OCIAD1: variants seen among roughly 807,000 people sequenced by gnomAD.
OCIAD1 encodes OCIA domain-containing protein 1.
Under a neutral mutation model 38.9 loss-of-function variants are expected in OCIAD1, and 29 were observed. The ratio of observed to expected loss-of-function variants is 0.74; its 90% CI spans 0.55 to 1.02. The LOEUF is 1.02. Among genes scored for constraint, OCIAD1 ranks in the 50% least tolerant of loss-of-function variants. OCIAD1 has a pLI of 0.00. For synonymous variants in OCIAD1, 110 were observed against 92.0 expected (o/e 1.20, Z -1.12); for missense variants, 288 against 289.6 (o/e 0.99, Z 0.04).
intron 4 of OCIAD1, among the ~76,000 whole-genome samples, chr4:48,847,115 C>A (rs1032254528): frequency 1.3e-5 from 2 of 152,108 alleles, no homozygotes; most frequent in African/African-American, 4.8e-5. Context: ...ATTTTTATGT[C>A]TTTTATGTTT....
At chr4:48,853,176 G>T (rs1477369384) in intron 7 of OCIAD1, among the ~76,000 whole-genome samples, 1 of 151,984 alleles carries the variant, frequency 6.6e-6, no homozygotes, top group Non-Finnish European at 1.5e-5. Context: ...ACTGCCCCCG[G>T]CCTGTTTTTG....
chr4:48,836,919 A>G (rs1778034547), intron 3 of OCIAD1, among the ~76,000 whole-genome samples: 1 of 152,246 alleles, frequency 6.6e-6, no homozygotes, highest in Admixed American at 6.5e-5. Flanking sequence ...ATGCATAGTC[A>G]TCATAAAGTA....
intron 1 of OCIAD1, among the ~76,000 whole-genome samples, chr4:48,821,062 C>T (rs759363500): frequency 6.6e-6 from 1 of 152,222 alleles, no homozygotes; most frequent in Non-Finnish European, 1.5e-5. Flanking sequence ...AGGCCAGCAT[C>T]ATCCTGATAT....
intron 3 of OCIAD1, among the ~76,000 whole-genome samples, chr4:48,842,343 G>A (rs954374187): frequency 1.3e-5 from 2 of 152,092 alleles, no homozygotes; most frequent in Non-Finnish European, 2.9e-5. Flanking sequence ...CACTTTTACT[G>A]TGTTGTCTTA....
rs539284335 is a variant in OCIAD1 at position 48,832,681 on chromosome 4, C to T, written c.57C>T (p.Pro19=). Residue 19 remains proline, a splice_region_variant and synonymous_variant, in exon 2 of 9, where the codon CCC becomes CCT. Coordinates refer to ENST00000264312, the MANE Select transcript of OCIAD1 (RefSeq NM_017830.4). The stretch of plus-strand genomic sequence containing the variant: ...ATGCAGAGGTTCCAAGACCAATTCC[C>T]CGTAACTATCTATTAAGTATTTATA... ...EPNAEVPRPI[P]HIGPDYIPTE... The T allele has an allele frequency of 5.6e-6, 9 of 1,605,710 alleles. No homozygotes were observed. The highest frequency in any genetic ancestry group is 3.3e-5 in the Admixed American group (2 of 59,984).
intron 7 of OCIAD1, 73 bp from the exon 8 acceptor site, chr4:48,857,140 A>T (rs1296283835): frequency 1.2e-6 from 1 of 855,212 alleles, no homozygotes; most frequent in Middle Eastern, 4.0e-4. Context: ...TGTAAGGAGC[A>T]TTTGTAAAAT....
chr4:48,840,159 G>T (rs1477834205), intron 3 of OCIAD1, among the ~76,000 whole-genome samples: 1 of 152,202 alleles, frequency 6.6e-6, no homozygotes, highest in Non-Finnish European at 1.5e-5. Flanking sequence ...AGACATTGTG[G>T]TGAATGGCAG....
At chr4:48,838,992 G>C (rs2109538820) in intron 3 of OCIAD1, among the ~76,000 whole-genome samples, 1 of 152,076 alleles carries the variant, frequency 6.6e-6, no homozygotes, top group Non-Finnish European at 1.5e-5. Flanking sequence ...GTGCATATAG[G>C]GTCAGTTTAT....
chr4:48,833,814 A>G (rs866156607), intron 3 of OCIAD1, among the ~76,000 whole-genome samples: 1 of 152,208 alleles, frequency 6.6e-6, no homozygotes, highest in South Asian at 2.1e-4. Flanking sequence ...ATTGAGGTTT[A>G]GAGATGTTAA....
At chr4:48,833,207 G>A (rs374513793) in intron 2 of OCIAD1, among the ~76,000 whole-genome samples, 194 bp from the exon 3 acceptor site, 8 of 152,202 alleles carry the variant, frequency 5.3e-5, no homozygotes, top group African/African-American at 1.2e-4. Context: ...AGCCGAGATC[G>A]CGCCATTGCA....
intron 1 of OCIAD1, among the ~76,000 whole-genome samples, chr4:48,815,172 A>G (rs1314762581): frequency 6.6e-6 from 1 of 152,070 alleles, no homozygotes; most frequent in Non-Finnish European, 1.5e-5. Context: ...AATTACCCGG[A>G]TGTGGTGGTG....
chr4:48,805,304 C>T (rs1181046899), exon 1 of OCIAD1: 3 of 152,170 alleles, frequency 2.0e-5, no homozygotes, highest in African/African-American at 7.2e-5. Context: ...TGACTGTAAC[C>T]CCAGCCTACC....
At chr4:48,828,230 T>C (rs1777270543), upstream of OCIAD1, among the ~76,000 whole-genome samples, 1 of 152,012 alleles carries the variant, frequency 6.6e-6, no homozygotes, top group Non-Finnish European at 1.5e-5. Context: ...TGGAGAACTT[T>C]TGTGTCTAGC....
chr4:48,820,339 T>G (rs1357142324), intron 1 of OCIAD1, among the ~76,000 whole-genome samples: 1 of 151,708 alleles, frequency 6.6e-6, no homozygotes, highest in African/African-American at 2.4e-5. Flanking sequence ...AATAAATGAG[T>G]TTTTTGAAAC....
chr4:48,818,455 C>T (rs764116944), intron 1 of OCIAD1, among the ~76,000 whole-genome samples: 33 of 152,226 alleles, frequency 2.2e-4, no homozygotes, highest in Non-Finnish European at 3.2e-4. Flanking sequence ...GATAAATCCA[C>T]GAAGATGAGG....
intron 6 of OCIAD1, 50 bp from the exon 7 acceptor site, chr4:48,851,756 A>T (rs764487518): frequency 1.9e-6 from 2 of 1,036,574 alleles, no homozygotes; most frequent in Non-Finnish European, 3.0e-6. Context: ...CTTCTTTAAG[A>T]TATAGGCAAT....
At chr4:48,854,085 G>A (rs895022655) in intron 7 of OCIAD1, among the ~76,000 whole-genome samples, 14 of 152,178 alleles carry the variant, frequency 9.2e-5, no homozygotes, top group Non-Finnish European at 1.5e-5. Context: ...TCCTCACTAT[G>A]TCTCATTTAA....
intron 4 of OCIAD1, among the ~76,000 whole-genome samples, chr4:48,847,740 GTACTTAA>G (rs1247571977): frequency 1.3e-5 from 2 of 152,134 alleles, no homozygotes; most frequent in Admixed American, 1.3e-4. Flanking sequence ...GCCTATTCTT[GTACTTAA>G]TACCAGACTG....
At chr4:48,806,972 C>T (rs13141838) in intron 1 of OCIAD1, among the ~76,000 whole-genome samples, 84,816 of 151,672 alleles carry the variant, frequency 0.56, 24,480 homozygotes, top group African/African-American at 0.72. Flanking sequence ...GGTGCGATCA[C>T]AGCTCACCGC....
Sources: allele counts gnomAD v4.1 joint callset (sites outside exome capture counted in the v4.1 genomes callset), GRCh38; gene constraint gnomAD v4.1.1; transcripts MANE v1.5; gene names NCBI Gene and HGNC (gene_info 2026-07-23, HGNC 2026-07-21).